The following SYT6 variants were observed in gnomAD, a reference collection of about 807,000 sequenced individuals.
SYT6 encodes the protein synaptotagmin 6.
SYT6 carries 24 observed loss-of-function variants against 38.4 expected under a neutral mutation model. The observed-to-expected ratio is 0.62, with a 90% confidence interval of 0.45 to 0.88. The LOEUF is 0.88. SYT6 is among the 40% of genes least tolerant of loss of function. The pLI, the probability that SYT6 is intolerant of heterozygous loss-of-function variation, is 0.00. For missense variants in SYT6, 611 were observed against 621.0 expected, an observed-to-expected ratio of 0.98 and a Z score of 0.17; for synonymous variants, 265 against 241.9, an observed-to-expected ratio of 1.10 and a Z score of -0.89.
chr1:114,138,389 A>G (rs982768502), intron 2 of SYT6, among the ~76,000 whole-genome samples: 3 of 152,158 alleles, frequency 2.0e-5, no homozygotes, highest in African/African-American at 7.2e-5. Flanking sequence ...TGGTTTCCTT[A>G]TTAAATCATG....
chr1:114,093,532 C>T (rs915940393), intron 7 of SYT6, among the ~76,000 whole-genome samples: 3 of 152,148 alleles, frequency 2.0e-5, no homozygotes, highest in Admixed American at 6.5e-5. Context: ...CTTGTTCTCG[C>T]AAATAAGAAA....
At chr1:114,134,827 C>A (rs1678382069) in intron 3 of SYT6, among the ~76,000 whole-genome samples, 1 of 152,198 alleles carries the variant, frequency 6.6e-6, no homozygotes, top group South Asian at 2.1e-4. Flanking sequence ...CTGCGCTCAT[C>A]TCATCAGTAC....
chr1:114,137,620 C>T lies in SYT6; in HGVS notation c.946G>A (p.Val316Ile), dbSNP rs772565753. 2 of 1,614,068 alleles carry T rather than the reference C, an allele frequency of 1.2e-6. No homozygotes were observed. The highest frequency in any genetic ancestry group is 2.7e-5 in the African/African-American group (2 of 74,930). Reference protein sequence around the residue: ...ELADRKLHLSVFDFDRFSRHD... With the variant: ...ELADRKLHLSIFDFDRFSRHD... ...CGGGAGAAGCGGTCAAAGTCGAAGA[C>T]ACTGAGATGCAGCTTGCGGTCAGCC... Residue 316 changes from valine (V) to isoleucine (I), a missense_variant, in exon 3 of 8, where the codon GTC (valine) becomes ATC (isoleucine). Coordinates refer to ENST00000610222, the MANE Select transcript of SYT6 (RefSeq NM_001253772.2).
At chr1:114,142,160 G>A (rs1386336903) in intron 1 of SYT6, among the ~76,000 whole-genome samples, 1 of 152,140 alleles carries the variant, frequency 6.6e-6, no homozygotes, top group Non-Finnish European at 1.5e-5. Flanking sequence ...TCCTCTGATG[G>A]ATCTGGGCAA....
chr1:114,099,955 G>C (rs1220735250), intron 4 of SYT6, among the ~76,000 whole-genome samples: 1 of 152,068 alleles, frequency 6.6e-6, no homozygotes, highest in Non-Finnish European at 1.5e-5. Context: ...GGAGAATGAG[G>C]GAGCTGTGGC....
rs752994302 is a variant in SYT6, at chr1:114,139,586, G to A, written c.512+29C>T. The A allele has an allele frequency of 1.9e-6, 3 of 1,613,218 alleles. No homozygotes were observed. In the Admixed American group the frequency reaches 5.0e-5, roughly 27 times the overall value. On this transcript the variant is annotated intron_variant, in intron 2 of 7. Transcript: ENST00000610222. ...ATTAAGGGAGTGTGGAGGTGTGGGG[G>A]TCAGGGAAGGGAGTGGTCCACTCCT...
intron 1 of SYT6, among the ~76,000 whole-genome samples, chr1:114,151,946 C>T (rs1453343932): frequency 1.3e-5 from 2 of 152,164 alleles, no homozygotes; most frequent in Non-Finnish European, 2.9e-5. Context: ...TAACCTCAGT[C>T]CCTTCTGCTG....
chr1:114,141,690 C>T (rs973762812), intron 1 of SYT6, among the ~76,000 whole-genome samples: 11 of 152,170 alleles, frequency 7.2e-5, no homozygotes, highest in African/African-American at 2.4e-4. Context: ...CCACCTAGGG[C>T]TTTCATAGCT....
rs1557752881 is a variant in SYT6 at position 114,125,787 on chromosome 1, G to C, written c.1071+11708C>G. 2.0e-5 allele frequency among the ~76,000 whole-genome samples: 3 copies of C among 152,152 alleles called. No individual in the cohort carries two copies. In the East Asian group the frequency reaches 5.8e-4, roughly 29 times the overall value. ...GGAGATTTTGGGTGGGGGTTAATTGGCTCAGGATCAAAACACTTTGATAAA... is the reference window on the plus strand; with the variant it reads ...GGAGATTTTGGGTGGGGGTTAATTGCCTCAGGATCAAAACACTTTGATAAA... On this transcript the variant is annotated intron_variant, in intron 3 of 7. Transcript: ENST00000610222.
chr1:114,151,071 G>A (rs1346754705), intron 1 of SYT6, among the ~76,000 whole-genome samples: 1 of 152,186 alleles, frequency 6.6e-6, no homozygotes, highest in Non-Finnish European at 1.5e-5. Context: ...CAAATGAAAA[G>A]CTCTAGCATT....
chr1:114,134,821 G>T (rs569256275), intron 3 of SYT6, among the ~76,000 whole-genome samples: 9 of 152,186 alleles, frequency 5.9e-5, no homozygotes, highest in Non-Finnish European at 1.0e-4. Context: ...TGTTGGCTGC[G>T]CTCATCTCAT....
intron 3 of SYT6, among the ~76,000 whole-genome samples, chr1:114,129,616 C>CTTTCTTTCCTTT (rs767321115): frequency 9.0e-4 from 53 of 58,960 alleles, no homozygotes; most frequent in Non-Finnish European, 1.1e-3. Context: ...TTCTTTCTTT[C>CTTTCTTTCCTTT]CTTTCTTTCT....
Position 114,138,020 on chromosome 1 carries a change from C to G in SYT6, c.546G>C (p.Gln182His), listed in dbSNP as rs371848111. The change falls in exon 3 of 8, where the codon CAG (glutamine) becomes CAC (histidine). Residue 182 changes from glutamine (Q) to histidine (H), a missense_variant. Coordinates refer to ENST00000610222, the MANE Select transcript of SYT6 (RefSeq NM_001253772.2). ...CATAGTCTACACTGGAGACATGCAT[C>G]TGCCTTGGCAGGTGGCGCTTGAAGG... ...HTSFKRHLPRQMHVSSVDYGN... is the reference protein window; with the variant it reads ...HTSFKRHLPRHMHVSSVDYGN... The G allele has an allele frequency of 1.2e-6, 2 of 1,613,934 alleles. No homozygotes were observed. The highest frequency in any genetic ancestry group is 1.7e-6 in the Non-Finnish European group (2 of 1,180,010).
chr1:114,109,249 G>T (rs1301702130), intron 3 of SYT6, among the ~76,000 whole-genome samples: 10 of 152,210 alleles, frequency 6.6e-5, no homozygotes, highest in Admixed American at 5.9e-4. Flanking sequence ...CATGATGAAT[G>T]CCTGTGTTTC....
At chr1:114,094,126 T>C (rs1372501097) in intron 6 of SYT6, among the ~76,000 whole-genome samples, 1 of 152,144 alleles carries the variant, frequency 6.6e-6, no homozygotes, top group African/African-American at 2.4e-5. Context: ...GCAGGGAGCA[T>C]AACTGTTTAT....
chr1:114,111,150 C>T (rs1676649937), intron 3 of SYT6, among the ~76,000 whole-genome samples: 3 of 152,204 alleles, frequency 2.0e-5, no homozygotes, highest in South Asian at 2.1e-4. Context: ...GGGTGGCCCT[C>T]GCCTTTCTAG....
chr1:114,153,454 G>A (rs1679551057), intron 1 of SYT6, among the ~76,000 whole-genome samples, 156 bp downstream of exon 1: 1 of 152,372 alleles, frequency 6.6e-6, no homozygotes, highest in African/African-American at 2.4e-5. Flanking sequence ...CTGTGCAAGC[G>A]ATGGGCCAGA....
rs1484483376 is a variant in SYT6 at position 114,153,673 on chromosome 1, C to T, written c.100G>A (p.Val34Met). The stretch of plus-strand genomic sequence containing the variant: ...AGCTCGAAGCTCCGACAAGTCTCCA[C>T]GTCCAGCCCGAGAGGGGGCGGCCGG... ...RARPPPLGLD[V>M]ETCRSFELQP... The change falls in exon 1 of 8, where the codon GTG becomes ATG. Residue 34 changes from valine (V) to methionine (M), a missense_variant. Coordinates refer to ENST00000610222, the MANE Select transcript of SYT6 (RefSeq NM_001253772.2). 1.5e-6 allele frequency: 1 copy of T among 672,060 alleles called. No homozygotes were observed. The highest frequency in any genetic ancestry group is 2.3e-5 in the Admixed American group (1 of 43,888). The allele number at this position is 672,060 out of a possible 1,614,324, so 41.6% of individuals were successfully genotyped here. A position where few individuals can be genotyped will look rare whatever the true frequency, so the allele number is the denominator to read the frequency against.
chr1:114,100,522 T>C (rs1348574161), intron 4 of SYT6, among the ~76,000 whole-genome samples: 1 of 152,242 alleles, frequency 6.6e-6, no homozygotes, highest in Non-Finnish European at 1.5e-5. Flanking sequence ...GGCATTTTTG[T>C]AGACACCTAA....
Sources: allele counts gnomAD v4.1 joint callset (sites outside exome capture counted in the v4.1 genomes callset), GRCh38; gene constraint gnomAD v4.1.1; transcripts MANE v1.5; gene names NCBI Gene and HGNC (gene_info 2026-07-23, HGNC 2026-07-21).